SLC4A10: variants seen among roughly 807,000 people sequenced by gnomAD.
SLC4A10 encodes sodium-driven chloride bicarbonate exchanger.
In SLC4A10, 42 loss-of-function variants were observed where a neutral mutation model predicts 137.7. The ratio of observed to expected loss-of-function variants is 0.30; its 90% CI spans 0.24 to 0.39. The LOEUF is 0.39. Ranked by LOEUF, SLC4A10 falls within the 10% of genes least tolerant of loss-of-function variation. SLC4A10 has a pLI of 1.00. For missense variants in SLC4A10, 925 were observed against 1,355.0 expected (o/e 0.68, Z 4.98); for synonymous variants, 474 against 464.1 (o/e 1.02, Z -0.27).
chr2:161,736,489 G>A (rs772501661), intron 1 of SLC4A10, among the ~76,000 whole-genome samples: 2 of 152,166 alleles, frequency 1.3e-5, no homozygotes, highest in Non-Finnish European at 2.9e-5. Flanking sequence ...GCATGGCTGG[G>A]GAGGCCTCAG....
intron 3 of SLC4A10, among the ~76,000 whole-genome samples, chr2:161,831,288 T>C (rs2058420396): frequency 6.6e-6 from 1 of 152,212 alleles, no homozygotes; most frequent in Admixed American, 6.5e-5. Context: ...AATAACTTAT[T>C]AATTGGTTTA....
chr2:161,798,432 A>C (rs2055016044), intron 2 of SLC4A10, among the ~76,000 whole-genome samples: 1 of 151,944 alleles, frequency 6.6e-6, no homozygotes. Context: ...ATTATTAATC[A>C]GTTTCCAAAT....
chr2:161,975,757 A>C (rs779820174), intron 24 of SLC4A10, among the ~76,000 whole-genome samples: 1 of 152,208 alleles, frequency 6.6e-6, no homozygotes, highest in Non-Finnish European at 1.5e-5. Context: ...AGAAGGGGCA[A>C]GGTTGCTCCA....
intron 2 of SLC4A10, among the ~76,000 whole-genome samples, chr2:161,773,472 A>G (rs541337648): frequency 6.6e-6 from 1 of 152,058 alleles, no homozygotes; most frequent in African/African-American, 2.4e-5. Flanking sequence ...CACAATAAAT[A>G]TTTTAAATAC....
At chr2:161,832,717 T>G (rs1356993729) in intron 3 of SLC4A10, among the ~76,000 whole-genome samples, 3 of 151,722 alleles carry the variant, frequency 2.0e-5, no homozygotes, top group Non-Finnish European at 4.4e-5. Context: ...TTGCATTTTC[T>G]TTTTTTGTTG....
At chr2:161,809,110 AC>A (rs945684474) in intron 3 of SLC4A10, among the ~76,000 whole-genome samples, 16 of 152,038 alleles carry the variant, frequency 1.1e-4, no homozygotes, top group African/African-American at 3.1e-4. Flanking sequence ...CACCATTCTG[AC>A]TGGTGTGACA....
intron 3 of SLC4A10, among the ~76,000 whole-genome samples, chr2:161,807,365 T>C (rs2056098596): frequency 6.6e-6 from 1 of 152,196 alleles, no homozygotes; most frequent in African/African-American, 2.4e-5. Context: ...AGAGCCCATG[T>C]ACATGACATA....
At chr2:161,964,952 G>T in intron 22 of SLC4A10, 99 bp from the exon 23 acceptor site, 1 of 1,039,538 alleles carries the variant, frequency 9.6e-7, no homozygotes, top group Non-Finnish European at 1.4e-6. Flanking sequence ...TTAATCTCAG[G>T]CCTAATAGAA....
chr2:161,805,296 A>C (rs2055817076), intron 3 of SLC4A10, among the ~76,000 whole-genome samples: 1 of 152,168 alleles, frequency 6.6e-6, no homozygotes, highest in Non-Finnish European at 1.5e-5. Context: ...TCAAGATGAG[A>C]TTTGGGTGAG....
intron 12 of SLC4A10, among the ~76,000 whole-genome samples, chr2:161,902,790 A>G (rs1683414757): frequency 6.6e-6 from 1 of 152,198 alleles, no homozygotes; most frequent in Non-Finnish European, 1.5e-5. Context: ...CTTTTATTTC[A>G]AATTCTAAGG....
intron 12 of SLC4A10, among the ~76,000 whole-genome samples, chr2:161,903,603 G>A (rs1195271901): frequency 6.6e-6 from 1 of 152,130 alleles, no homozygotes; most frequent in African/African-American, 2.4e-5. Flanking sequence ...CTCACTTCCT[G>A]CTATGCTAAA....
chr2:161,872,439 C>A, intron 7 of SLC4A10, 55 bp downstream of exon 7: 1 of 1,378,562 alleles, frequency 7.3e-7, no homozygotes, highest in Non-Finnish European at 1.0e-6. Flanking sequence ...CTAGAAATTA[C>A]TACCCATTTT....
At chr2:161,738,701 C>T (rs116269848) in intron 1 of SLC4A10, among the ~76,000 whole-genome samples, 1,719 of 152,288 alleles carry the variant, frequency 0.011, 30 homozygotes, top group African/African-American at 0.038. Context: ...ATTCCTTACT[C>T]GTTTAGTCAT....
intron 1 of SLC4A10, among the ~76,000 whole-genome samples, chr2:161,688,647 C>A (rs748373499): frequency 1.1e-4 from 16 of 152,088 alleles, no homozygotes; most frequent in Non-Finnish European, 2.1e-4. Flanking sequence ...ACTAAAGTAT[C>A]TCTTTTGGTG....
At chr2:161,782,448 A>G (rs1390877031) in intron 2 of SLC4A10, among the ~76,000 whole-genome samples, 1 of 151,978 alleles carries the variant, frequency 6.6e-6, no homozygotes, top group East Asian at 1.9e-4. Context: ...ACACCAATGC[A>G]TAGAGTCAAG....
intron 12 of SLC4A10, chr2:161,901,216 T>G (rs1419447985): frequency 2.1e-6 from 1 of 486,626 alleles, no homozygotes; most frequent in East Asian, 3.6e-5. Context: ...CACCCTTCCA[T>G]TATACTTTAC....
intron 1 of SLC4A10, among the ~76,000 whole-genome samples, chr2:161,663,303 A>C (rs1266225542): frequency 6.6e-6 from 1 of 152,182 alleles, no homozygotes; most frequent in Non-Finnish European, 1.5e-5. Flanking sequence ...ACCTGAAGTG[A>C]AGAATATGTT....
chr2:161,626,384 C>T (rs2032367829), intron 1 of SLC4A10, among the ~76,000 whole-genome samples: 2 of 152,202 alleles, frequency 1.3e-5, no homozygotes, highest in East Asian at 3.9e-4. Context: ...AGAGAAAATA[C>T]AAGTCTTTCC....
At chr2:161,637,511 A>C (rs2105457789) in intron 1 of SLC4A10, among the ~76,000 whole-genome samples, 1 of 152,198 alleles carries the variant, frequency 6.6e-6, no homozygotes, top group African/African-American at 2.4e-5. Context: ...TATCTGGCTT[A>C]CATTTTTAAA....
Sources: gnomAD v4.1 joint callset for allele counts (sites outside exome capture counted in the v4.1 genomes callset) on GRCh38, gnomAD v4.1.1 for gene constraint, MANE v1.5 for transcripts, NCBI Gene and HGNC (gene_info 2026-07-23, HGNC 2026-07-21) for gene names.